NRXN1: variants seen among roughly 807,000 people sequenced by gnomAD.
NRXN1 encodes the protein neurexin 1, also known as neurexin-1.
NRXN1 carries 39 observed loss-of-function variants against 150.9 expected under a neutral mutation model. The observed-to-expected ratio is 0.26, with a 90% CI of 0.20 to 0.34. The LOEUF (loss-of-function observed/expected upper bound fraction) is 0.34. Among genes scored for constraint, NRXN1 ranks in the 10% least tolerant of loss-of-function variants. The probability of loss-of-function intolerance (pLI) is 1.00; values close to 1 mark genes in which losing one functional copy is unlikely to be tolerated. For synonymous variants in NRXN1, 924 were observed against 757.0 expected (o/e 1.22, Z -3.62); for missense variants, 1,815 against 1,949.9 (o/e 0.93, Z 1.30).
intron 8 of NRXN1, among the ~76,000 whole-genome samples, chr2:50,555,810 T>G (rs1573531038): frequency 6.6e-6 from 1 of 152,318 alleles, no homozygotes; most frequent in East Asian, 1.9e-4. Context: ...AAGCATAAAC[T>G]TATGTGCATA....
intron 2 of NRXN1, among the ~76,000 whole-genome samples, chr2:50,927,436 T>C (rs574549378): frequency 6.6e-6 from 1 of 152,092 alleles, no homozygotes; most frequent in South Asian, 2.1e-4. Flanking sequence ...AAAAAAAACT[T>C]TCAAATATTT....
intron 5 of NRXN1, among the ~76,000 whole-genome samples, chr2:50,700,662 A>T (rs1031363470): frequency 6.6e-6 from 1 of 152,068 alleles, no homozygotes; most frequent in Non-Finnish European, 1.5e-5. Context: ...ACTGCATGTC[A>T]CTTTTGTAGG....
chr2:50,455,558 C>G (rs1199780994), intron 17 of NRXN1, among the ~76,000 whole-genome samples: 2 of 152,112 alleles, frequency 1.3e-5, no homozygotes, highest in Non-Finnish European at 2.9e-5. Context: ...CCTGACACAC[C>G]AAAATCCAGT....
chr2:50,427,015 C>G (rs1047547648), intron 17 of NRXN1, among the ~76,000 whole-genome samples: 22 of 152,232 alleles, frequency 1.4e-4, no homozygotes, highest in African/African-American at 5.3e-4. Flanking sequence ...GCCAAATTTG[C>G]TATGTCTTAG....
At chr2:50,103,377 T>C (rs917072197) in intron 18 of NRXN1, among the ~76,000 whole-genome samples, 10 of 152,074 alleles carry the variant, frequency 6.6e-5, no homozygotes, top group African/African-American at 2.4e-4. Context: ...TTGACTGGTT[T>C]TTCAAGTACC....
chr2:50,658,843 A>G (rs1266229351), intron 5 of NRXN1, among the ~76,000 whole-genome samples: 1 of 151,936 alleles, frequency 6.6e-6, no homozygotes, highest in Non-Finnish European at 1.5e-5. Flanking sequence ...CCCTTTTTAG[A>G]GTTGTATAAG....
chr2:50,613,733 T>C (rs1029952118), intron 8 of NRXN1, among the ~76,000 whole-genome samples: 1 of 152,136 alleles, frequency 6.6e-6, no homozygotes, highest in Non-Finnish European at 1.5e-5. Flanking sequence ...GGTCAGGACA[T>C]CCAGACCATA....
At position 50,236,942 on chromosome 2, in the gene NRXN1, A is replaced by G. The variant is rs764483729; in HGVS notation, c.3393T>C (p.Gly1131=). 5.6e-6 allele frequency: 9 copies of G among 1,613,338 alleles called. No individual in the cohort carries two copies. The South Asian group carries it at 8.8e-5, about 16-fold the overall frequency. The part of the protein sequence containing the change: ...DPGTTYIFSK[G]GGQITYKWPP... ...GCCACTTATACGTGATTTGTCCACC[A>G]CCTTTGCTAAAGATATATGTCGTCC... The change falls in exon 18 of 23, where the codon GGT becomes GGC. Residue 1131 remains glycine, a synonymous_variant. Transcript: ENST00000401669.
At position 50,825,667 on chromosome 2, in the gene NRXN1, G is replaced by C. The variant is rs527650505; in HGVS notation, c.832+96202C>G. Among the ~76,000 whole-genome samples the C allele has an allele frequency of 1.6e-3, 245 of 152,290 alleles. 2 individuals carry two copies. The highest frequency in any genetic ancestry group is 5.7e-3 in the African/African-American group (238 of 41,552). On this transcript the variant is annotated intron_variant, in intron 5 of 22. Coordinates refer to ENST00000401669, the MANE Select transcript of NRXN1 (RefSeq NM_001330078.2). ...TTATAATAATCAAGCCAAATGTAAA[G>C]TATTAAGTGTTTCCCTGACTTCTGT...
chr2:50,208,851 A>T (rs1191578182), intron 18 of NRXN1, among the ~76,000 whole-genome samples: 1 of 152,164 alleles, frequency 6.6e-6, no homozygotes, highest in Middle Eastern at 3.2e-3. Flanking sequence ...ATTTGATGTT[A>T]AAACATTTGG....
intron 22 of NRXN1, among the ~76,000 whole-genome samples, chr2:49,939,873 T>C (rs1045035848): frequency 9.9e-5 from 15 of 152,186 alleles, no homozygotes; most frequent in African/African-American, 3.6e-4. Flanking sequence ...TGACACTCAA[T>C]ACCTGATCAA....
intron 17 of NRXN1, among the ~76,000 whole-genome samples, chr2:50,406,011 T>C (rs1448613263): frequency 2.6e-5 from 4 of 152,118 alleles, no homozygotes; most frequent in African/African-American, 9.6e-5. Flanking sequence ...TCCAAGATCA[T>C]GCAGCTGATA....
At chr2:50,492,760 C>T (rs2091330712) in intron 15 of NRXN1, among the ~76,000 whole-genome samples, 1 of 152,224 alleles carries the variant, frequency 6.6e-6, no homozygotes, top group East Asian at 1.9e-4. Flanking sequence ...CAGCCCAGGG[C>T]TGGTAAAACA....
chr2:50,315,178 T>C (rs559560145), intron 17 of NRXN1, among the ~76,000 whole-genome samples: 51 of 152,130 alleles, frequency 3.4e-4, no homozygotes, highest in African/African-American at 7.7e-4. Flanking sequence ...AGCTTTTTTT[T>C]CCCCCTGTTT....
intron 5 of NRXN1, among the ~76,000 whole-genome samples, chr2:50,726,320 C>A (rs1381841339): frequency 1.3e-5 from 2 of 152,174 alleles, no homozygotes; most frequent in Non-Finnish European, 2.9e-5. Context: ...GTTCTCTGAG[C>A]CTCAGTTTCC....
chr2:50,306,671 T>A (rs2074638856), intron 17 of NRXN1, among the ~76,000 whole-genome samples: 1 of 152,192 alleles, frequency 6.6e-6, no homozygotes, highest in African/African-American at 2.4e-5. Context: ...TAGCTCAGAT[T>A]CACATTTGAT....
Position 50,053,518 on chromosome 2 carries a change from T to A in NRXN1, c.3881A>T (p.Gln1294Leu). The A allele has an allele frequency of 6.2e-7, 1 of 1,614,066 alleles. No individual in the cohort carries two copies. The highest frequency in any genetic ancestry group is 8.5e-7 in the Non-Finnish European group (1 of 1,179,940). The change falls in exon 21 of 23, where the codon CAG becomes CTG. Residue 1294 changes from glutamine (Q) to leucine (L), a missense_variant. This residue lies in a region of NRXN1 where 265 missense variants were observed against 307.1 expected (regional missense o/e 0.86). Transcript: ENST00000401669. Reference protein sequence around the residue: ...IGGKEQGQPFQGQLSGLYYNG... With the variant: ...IGGKEQGQPFLGQLSGLYYNG... ...GTAGTACAGCCCAGAGAGCTGGCCCTGGAAGGGCTGGCCCTGCTCTTTCCC... is the reference window on the plus strand; with the variant it reads ...GTAGTACAGCCCAGAGAGCTGGCCCAGGAAGGGCTGGCCCTGCTCTTTCCC...
At chr2:50,234,678 C>T (rs1036042836) in intron 18 of NRXN1, among the ~76,000 whole-genome samples, 2 of 152,006 alleles carry the variant, frequency 1.3e-5, no homozygotes, top group African/African-American at 4.8e-5. Context: ...TGACAATAAA[C>T]AGTATTTGAG....
chr2:50,854,518 G>A (rs1674981093), intron 5 of NRXN1, among the ~76,000 whole-genome samples: 1 of 152,080 alleles, frequency 6.6e-6, no homozygotes, highest in Non-Finnish European at 1.5e-5. Context: ...AAGCTGCACT[G>A]TCTTACATAT....
Sources: allele counts gnomAD v4.1 joint callset (sites outside exome capture counted in the v4.1 genomes callset), GRCh38; gene constraint gnomAD v4.1.1; regional missense constraint gnomAD v4.1.1; transcripts MANE v1.5; gene names NCBI Gene and HGNC (gene_info 2026-07-23, HGNC 2026-07-21).